The following ZMPSTE24 variants were observed in gnomAD, a reference collection of about 807,000 sequenced individuals.
ZMPSTE24 encodes zinc metallopeptidase STE24, also known as CAAX prenyl protease 1 homolog.
A neutral mutation model predicts 56.7 loss-of-function variants in ZMPSTE24; 48 were observed. That is an observed-to-expected ratio of 0.85 (90% CI 0.67 to 1.08). The LOEUF (loss-of-function observed/expected upper bound fraction) is 1.08, where lower values mean the gene tolerates loss of function less well. Ranked by LOEUF, ZMPSTE24 falls within the 50% of genes least tolerant of loss-of-function variation. The probability of loss-of-function intolerance (pLI) is 0.00; values close to 1 mark genes in which losing one functional copy is unlikely to be tolerated. For synonymous variants in ZMPSTE24, 172 were observed against 195.2 expected (o/e 0.88, Z 0.99); for missense variants, 503 against 548.7 (o/e 0.92, Z 0.83).
chr1:40,271,804 T>C (rs1333273626), intron 5 of ZMPSTE24, 90 bp from the exon 6 acceptor site: 18 of 1,435,786 alleles, frequency 1.3e-5, no homozygotes, highest in Non-Finnish European at 1.7e-5. Flanking sequence ...GAGGTCAACA[T>C]AGTTGTTTTA....
chr1:40,260,796 TAAAC>T (rs1346256405), intron 1 of ZMPSTE24, 39 bp from the exon 2 acceptor site: 6 of 1,591,736 alleles, frequency 3.8e-6, no homozygotes, highest in South Asian at 1.1e-5. Context: ...ACTATTGTAA[TAAAC>T]AACTATTTCA....
rs531220110 is a variant in ZMPSTE24 at position 40,273,541 on chromosome 1, T to A, written c.769+1506T>A. Among the ~76,000 whole-genome samples the A allele has an allele frequency of 9.8e-3, 548 of 56,196 alleles. 3 individuals carry two copies. Among genetic ancestry groups the A allele is most frequent in the African/African-American group, 0.025 (233 of 9,202 alleles). 36.9% of individuals were successfully genotyped at this position (56,196 alleles called of 152,430 possible). ...TAAAAAAAAAAAAAAAAAAAAAATATATATATATATATATATATATATATA... is the reference window on the plus strand; with the variant it reads ...TAAAAAAAAAAAAAAAAAAAAAATAAATATATATATATATATATATATATA... On this transcript the variant is annotated intron_variant, in intron 6 of 9. Coordinates refer to ENST00000372759, the MANE Select transcript of ZMPSTE24 (RefSeq NM_005857.5).
At chr1:40,262,582 G>A (rs1248428727) in intron 2 of ZMPSTE24, 1 of 160,158 alleles carries the variant, frequency 6.2e-6, no homozygotes, top group East Asian at 1.9e-4. Context: ...TTATATAATG[G>A]CCTTGGTCCA....
In ZMPSTE24 at chr1:40,273,559, T is replaced by A. The variant is rs1240511192; in HGVS notation, c.769+1524T>A. Among the ~76,000 whole-genome samples, 118 of 111,226 alleles carry A rather than the reference T, an allele frequency of 1.1e-3. 3 individuals carry two copies. Among genetic ancestry groups the A allele is most frequent in the African/African-American group, 4.1e-3 (108 of 26,592 alleles). The allele number at this position is 111,226 out of a possible 152,430, so 73.0% of individuals were successfully genotyped here. A position where few individuals can be genotyped will look rare whatever the true frequency, so the allele number is the denominator to read the frequency against. The stretch of plus-strand genomic sequence containing the variant: ...AAAAATATATATATATATATATATA[T>A]ATATATATATGTCAGACATTTAGTG... On this transcript the variant is annotated intron_variant, in intron 6 of 9. Coordinates refer to ENST00000372759, the MANE Select transcript of ZMPSTE24 (RefSeq NM_005857.5).
chr1:40,280,586 G>A (rs1293008464), intron 6 of ZMPSTE24, among the ~76,000 whole-genome samples: 5 of 151,850 alleles, frequency 3.3e-5, no homozygotes, highest in African/African-American at 4.8e-5. Context: ...CACCATGCCC[G>A]GCTAATTTTT....
intron 6 of ZMPSTE24, among the ~76,000 whole-genome samples, chr1:40,272,947 A>G (rs1473643384): frequency 1.3e-5 from 2 of 152,212 alleles, no homozygotes; most frequent in Non-Finnish European, 2.9e-5. Context: ...TGTTGCAACT[A>G]TTCAGTGCTA....
intron 3 of ZMPSTE24, 52 bp from the exon 4 acceptor site, chr1:40,268,367 T>G: frequency 1.7e-6 from 2 of 1,186,404 alleles, no homozygotes; most frequent in Non-Finnish European, 2.5e-6. Context: ...ACTTGTTGAT[T>G]TGTTTGCCAG....
chr1:40,285,742 A>G (rs1373454027), intron 7 of ZMPSTE24, among the ~76,000 whole-genome samples, 183 bp from the exon 8 acceptor site: 1 of 151,946 alleles, frequency 6.6e-6, no homozygotes, highest in African/African-American at 2.4e-5. Flanking sequence ...ATCTATCTTC[A>G]GTGCTTAACC....
intron 1 of ZMPSTE24, among the ~76,000 whole-genome samples, chr1:40,258,846 A>C (rs536102497): frequency 0.039 from 5,904 of 152,178 alleles, 373 homozygotes; most frequent in African/African-American, 0.14. Context: ...TCTGCTTGAA[A>C]AAACAAACAA....
chr1:40,275,854 A>G (rs181740622), intron 6 of ZMPSTE24, among the ~76,000 whole-genome samples: 207 of 152,182 alleles, frequency 1.4e-3, no homozygotes, highest in African/African-American at 4.9e-3. Context: ...TAGGAAGGCT[A>G]GGAACTTATA....
intron 2 of ZMPSTE24, among the ~76,000 whole-genome samples, chr1:40,263,753 G>A (rs896512491): frequency 1.9e-4 from 26 of 137,406 alleles, no homozygotes; most frequent in Non-Finnish European, 3.1e-4. Flanking sequence ...TTTTTTTGCC[G>A]TAGTACTTTC....
At chr1:40,280,552 G>A (rs1643718841) in intron 6 of ZMPSTE24, among the ~76,000 whole-genome samples, 2 of 151,952 alleles carry the variant, frequency 1.3e-5, no homozygotes, top group African/African-American at 2.4e-5. Flanking sequence ...AGCCCCACGT[G>A]TAGCTGGGAT....
Position 40,260,865 on chromosome 1 carries a change from T to C in ZMPSTE24, c.150T>C (p.His50=). 3.1e-6 allele frequency: 5 copies of C among 1,614,004 alleles called. No individual in the cohort carries two copies. The highest frequency in any genetic ancestry group is 1.1e-5 in the South Asian group (1 of 91,080). ...GAAGGATATATAAAACAACAACTCATGTACCACCGGAGTTAGGACAGATCA... is the reference window on the plus strand; with the variant it reads ...GAAGGATATATAAAACAACAACTCACGTACCACCGGAGTTAGGACAGATCA... ...RQRRIYKTTT[H]VPPELGQIMD... Residue 50 remains histidine (H), a synonymous_variant, in exon 2 of 10, where the codon CAT becomes CAC. Coordinates refer to ENST00000372759, the MANE Select transcript of ZMPSTE24 (RefSeq NM_005857.5).
At chr1:40,271,677 T>C (rs189426455) in intron 5 of ZMPSTE24, among the ~76,000 whole-genome samples, 1 of 152,374 alleles carries the variant, frequency 6.6e-6, no homozygotes, top group Non-Finnish European at 1.5e-5. Context: ...ATAAGTTTAC[T>C]CTGTTATCAG....
rs1643679043 is a variant in ZMPSTE24, at chr1:40,277,172, G to A, written c.770-4171G>A. Among the ~76,000 whole-genome samples, 5 of 148,240 alleles carry A rather than the reference G, an allele frequency of 3.4e-5. No individual in the cohort carries two copies. The South Asian group carries it at 1.1e-3, about 31-fold the overall frequency. On this transcript the variant is annotated intron_variant, in intron 6 of 9. Transcript: ENST00000372759. ...GCAATCTTGGCTCACTTCAAGCTCC[G>A]CCTCCCGGGTTCACACCATTCTCCT...
intron 6 of ZMPSTE24, among the ~76,000 whole-genome samples, chr1:40,272,924 G>A (rs909565494): frequency 6.6e-6 from 1 of 152,148 alleles, no homozygotes; most frequent in Non-Finnish European, 1.5e-5. Flanking sequence ...AGCTTTGCGG[G>A]CCACTTGTTC....
chr1:40,259,330 ATTTAT>A (rs771020022), intron 1 of ZMPSTE24: 1 of 151,918 alleles, frequency 6.6e-6, no homozygotes, highest in Non-Finnish European at 1.5e-5. Flanking sequence ...TTTAATCTTT[ATTTAT>A]TTATTTAATT....
chr1:40,264,105 G>A (rs896553187), intron 2 of ZMPSTE24, among the ~76,000 whole-genome samples: 3 of 152,168 alleles, frequency 2.0e-5, no homozygotes, highest in African/African-American at 7.2e-5. Flanking sequence ...GCCGAGGTGG[G>A]GGCGGATTAC....
At chr1:40,273,764 C>T (rs1454544858) in intron 6 of ZMPSTE24, among the ~76,000 whole-genome samples, 2 of 150,874 alleles carry the variant, frequency 1.3e-5, no homozygotes, top group Non-Finnish European at 2.9e-5. Flanking sequence ...AGAATAGTCT[C>T]TAAGCTGCTT....
Sources: gnomAD v4.1 joint callset for allele counts (sites outside exome capture counted in the v4.1 genomes callset) on GRCh38, gnomAD v4.1.1 for gene constraint, MANE v1.5 for transcripts, NCBI Gene and HGNC (gene_info 2026-07-23, HGNC 2026-07-21) for gene names.